Variants in SH3PXD2A observed in about 807,000 individuals in gnomAD.
The protein encoded by SH3PXD2A is SH3 and PX domain-containing protein 2A.
SH3PXD2A carries 32 observed loss-of-function variants against 115.2 expected under a neutral mutation model. That is an observed-to-expected ratio of 0.28 (90% CI 0.21 to 0.37). SH3PXD2A has a LOEUF of 0.37. Among genes scored for constraint, SH3PXD2A ranks in the 10% least tolerant of loss-of-function variants. SH3PXD2A has a pLI of 1.00. For synonymous variants in SH3PXD2A, 610 were observed against 629.1 expected (o/e 0.97, Z 0.45); for missense variants, 1,328 against 1,498.7 (o/e 0.89, Z 1.88).
intron 2 of SH3PXD2A, among the ~76,000 whole-genome samples, chr10:103,771,979 C>A (rs1218392210): frequency 6.6e-6 from 1 of 152,162 alleles, no homozygotes; most frequent in East Asian, 1.9e-4. Flanking sequence ...TCAGTCATCC[C>A]CCACCCCCAT....
rs896476741 is a variant in SH3PXD2A, at chr10:103,784,332, G to A, written c.153+16950C>T. On this transcript the variant is annotated intron_variant, in intron 2 of 14. Coordinates refer to ENST00000369774, the MANE Select transcript of SH3PXD2A (RefSeq NM_001394015.1). This position sits in a 1 kb window ranked among gnomAD's most constrained non-coding sequence, Gnocchi z 4.4. Reference sequence around the variant, plus strand: ...CCACACCTTGCCCACGTGGATGCCCGTGCCTGGAGCGCCTTCCCAGCCTAC... The same window carrying A: ...CCACACCTTGCCCACGTGGATGCCCATGCCTGGAGCGCCTTCCCAGCCTAC... Among the ~76,000 whole-genome samples the A allele has an allele frequency of 6.6e-6, 1 of 152,164 alleles. No individual in the cohort carries two copies. Among genetic ancestry groups the A allele is most frequent in the Non-Finnish European group, 1.5e-5 (1 of 68,018 alleles).
At chr10:103,640,978 T>A (rs2036947110) in intron 8 of SH3PXD2A, among the ~76,000 whole-genome samples, 1 of 151,738 alleles carries the variant, frequency 6.6e-6, no homozygotes, top group African/African-American at 2.4e-5. Context: ...CAGGACGGAG[T>A]GGCTCCAATG....
intron 3 of SH3PXD2A, among the ~76,000 whole-genome samples, chr10:103,766,259 C>T (rs756923405): frequency 2.6e-5 from 4 of 152,196 alleles, no homozygotes; most frequent in Non-Finnish European, 2.9e-5. Flanking sequence ...CTGTGCAGGT[C>T]CAGGGCCAGT....
At position 103,665,596 on chromosome 10, in the gene SH3PXD2A, G is replaced by A. The variant is rs536381286; in HGVS notation, c.472+3012C>T. On this transcript the variant is annotated intron_variant, in intron 7 of 14. Transcript: ENST00000369774. The surrounding 1 kb of genome is among the most constrained non-coding windows in gnomAD (Gnocchi z 4.0). Reference sequence around the variant, plus strand: ...GGCAGGCTCCCAGCTCTTCCCTCTGGCAGCTGCCTCTTAGGGTGTTCCCTG... The same window carrying A: ...GGCAGGCTCCCAGCTCTTCCCTCTGACAGCTGCCTCTTAGGGTGTTCCCTG... Among the ~76,000 whole-genome samples the A allele has an allele frequency of 3.5e-4, 54 of 152,278 alleles. No individual in the cohort carries two copies. The highest frequency in any genetic ancestry group is 1.0e-3 in the African/African-American group (43 of 41,560).
At chr10:103,753,317 CAAAAAAAAA>C (rs60364879) in intron 3 of SH3PXD2A, among the ~76,000 whole-genome samples, 839 of 62,876 alleles carry the variant, frequency 0.013, 20 homozygotes, top group African/African-American at 0.049. Context: ...CTGCCTCTAC[CAAAAAAAAA>C]AAAAAAAAAA....
chr10:103,672,704 T>C (rs1453256854), intron 6 of SH3PXD2A, among the ~76,000 whole-genome samples: 2 of 152,244 alleles, frequency 1.3e-5, no homozygotes. Context: ...CCTGCCTTCT[T>C]TGCAGGGTTA....
chr10:103,660,916 C>T, intron 8 of SH3PXD2A, 67 bp downstream of exon 8: 1 of 1,574,766 alleles, frequency 6.4e-7, no homozygotes, highest in African/African-American at 1.3e-5. Flanking sequence ...GAGGGAGGAA[C>T]AAAAACCAGC....
At position 103,617,265 on chromosome 10, in the gene SH3PXD2A, C is replaced by A. The variant is rs750272182; in HGVS notation, c.852G>T (p.Glu284Asp). The A allele has an allele frequency of 1.2e-6, 2 of 1,614,226 alleles. No homozygotes were observed. The highest frequency in any genetic ancestry group is 4.5e-5 in the East Asian group (2 of 44,892). The change falls in exon 11 of 15, where the codon GAG (glutamate) becomes GAT (aspartate). Residue 284 changes from glutamate to aspartate, a missense_variant. This residue lies in a region of SH3PXD2A where 509 missense variants were observed against 628.3 expected (regional missense o/e 0.81). Coordinates refer to ENST00000369774, the MANE Select transcript of SH3PXD2A (RefSeq NM_001394015.1). ...CTGTGACGCCCTTCTCAAAGCCAATCTCGTCCTTGCTTTGGCTGGTGTAAG... is the reference window on the plus strand; with the variant it reads ...CTGTGACGCCCTTCTCAAAGCCAATATCGTCCTTGCTTTGGCTGGTGTAAG... ...VQPYTSQSKD[E>D]IGFEKGVTVE...
rs1219850467 is a variant in SH3PXD2A at position 103,617,253 on chromosome 10, C to T, written c.864G>A (p.Glu288=). 1 of 1,614,234 alleles carries T rather than the reference C, an allele frequency of 6.2e-7. No individual in the cohort carries two copies. The highest frequency in any genetic ancestry group is 1.1e-5 in the South Asian group (1 of 91,086). ...GGATCACCTCCACTGTGACGCCCTTCTCAAAGCCAATCTCGTCCTTGCTTT... is the reference window on the plus strand; with the variant it reads ...GGATCACCTCCACTGTGACGCCCTTTTCAAAGCCAATCTCGTCCTTGCTTT... ...TSQSKDEIGF[E]KGVTVEVIRK... Residue 288 remains glutamate, a synonymous_variant, in exon 11 of 15, where the codon GAG becomes GAA. Transcript: ENST00000369774.
intron 1 of SH3PXD2A, among the ~76,000 whole-genome samples, chr10:103,835,212 G>A (rs1216148068): frequency 2.0e-5 from 3 of 152,210 alleles, no homozygotes; most frequent in African/African-American, 7.2e-5. Flanking sequence ...CCCAGGCTGG[G>A]AGTAAATCCC....
rs570597392 is a variant in SH3PXD2A at position 103,718,755 on chromosome 10, A to G, written c.398+5515T>C. ...CTTTCTGCTCCCCTCCCTCCCCCCA[A>G]TCAGGACACACACACACACACACAC... On this transcript the variant is annotated intron_variant, in intron 5 of 14. Transcript: ENST00000369774. Among the ~76,000 whole-genome samples the G allele has an allele frequency of 4.5e-3, 608 of 134,790 alleles. 7 individuals are homozygous for G. Among genetic ancestry groups the G allele is most frequent in the African/African-American group, 0.016 (573 of 35,218 alleles). The allele number at this position is 134,790 out of a possible 152,430, so 88.4% of individuals were successfully genotyped here.
chr10:103,785,006 C>G (rs1372953009), intron 2 of SH3PXD2A, among the ~76,000 whole-genome samples: 2 of 152,314 alleles, frequency 1.3e-5, no homozygotes, highest in East Asian at 3.9e-4. Flanking sequence ...AACACTTGCC[C>G]TTAGCAGGTG....
At chr10:103,616,563 C>T (rs1325311329) in intron 11 of SH3PXD2A, among the ~76,000 whole-genome samples, 2 of 152,246 alleles carry the variant, frequency 1.3e-5, no homozygotes, top group Non-Finnish European at 2.9e-5. Context: ...GGATTCTACG[C>T]TGGGAACTGT....
At chr10:103,728,881 T>TTTTG (rs1214721167) in intron 4 of SH3PXD2A, among the ~76,000 whole-genome samples, 2 of 135,450 alleles carry the variant, frequency 1.5e-5, no homozygotes, top group East Asian at 2.1e-4. Flanking sequence ...GAGTTGTTTT[T>TTTTG]TTTGTTTGTT....
intron 8 of SH3PXD2A, among the ~76,000 whole-genome samples, chr10:103,658,750 C>G (rs990490469): frequency 5.3e-5 from 8 of 152,224 alleles, no homozygotes; most frequent in Non-Finnish European, 1.2e-4. Context: ...CAGGGAAACT[C>G]TTTCTACCCG....
Position 103,602,207 on chromosome 10 carries a change from G to C in SH3PXD2A, c.3011C>G (p.Thr1004Arg). Residue 1004 changes from threonine to arginine, a missense_variant, in exon 15 of 15, where the codon ACG becomes AGG. Thr to Arg is a moderately conservative substitution (Grantham distance 71). Coordinates refer to ENST00000369774, the MANE Select transcript of SH3PXD2A (RefSeq NM_001394015.1). ...GACGCCTCGGAGGCCATCAGTGGCC[G>C]TGAGTGACTCATTCCTCCGCAGGGC... ...SCALRRNESLTATDGLRGVRR... is the reference protein window; with the variant it reads ...SCALRRNESLRATDGLRGVRR... 1 of 1,588,476 alleles carries C rather than the reference G, an allele frequency of 6.3e-7. No homozygotes were observed. Among genetic ancestry groups the C allele is most frequent in the South Asian group, 1.2e-5 (1 of 86,494 alleles).
chr10:103,624,735 G>C (rs2036665134), intron 9 of SH3PXD2A, among the ~76,000 whole-genome samples: 1 of 152,184 alleles, frequency 6.6e-6, no homozygotes. Context: ...TGGCCATAGC[G>C]CTGGGGTAGA....
chr10:103,820,718 C>G (rs1159359805), intron 1 of SH3PXD2A, among the ~76,000 whole-genome samples: 1 of 152,166 alleles, frequency 6.6e-6, no homozygotes, highest in Non-Finnish European at 1.5e-5. Flanking sequence ...CACACCAAAG[C>G]CCCCAGATAA....
intron 2 of SH3PXD2A, among the ~76,000 whole-genome samples, chr10:103,778,587 C>T (rs1253338044): frequency 6.6e-6 from 1 of 152,240 alleles, no homozygotes; most frequent in Non-Finnish European, 1.5e-5. Flanking sequence ...AACAGCGCCC[C>T]ATGGCACTGT....
Sources: allele counts gnomAD v4.1 joint callset (sites outside exome capture counted in the v4.1 genomes callset), GRCh38; gene constraint gnomAD v4.1.1; regional missense constraint gnomAD v4.1.1; non-coding constraint Gnocchi (gnomAD v3.1); transcripts MANE v1.5; gene names NCBI Gene and HGNC (gene_info 2026-07-23, HGNC 2026-07-21).